GANC: variants seen among roughly 807,000 people sequenced by gnomAD.
GANC encodes the protein neutral alpha-glucosidase C.
Under a neutral mutation model 124.2 loss-of-function variants are expected in GANC, and 117 were observed. The ratio of observed to expected loss-of-function variants is 0.94; its 90% CI spans 0.81 to 1.10. GANC has a LOEUF of 1.10. GANC is among the 50% of genes least tolerant of loss of function. GANC has a pLI of 0.00. For missense variants in GANC, 1,140 were observed against 1,095.0 expected (o/e 1.04, Z -0.58); for synonymous variants, 377 against 376.8 (o/e 1.00, Z -0.01).
intron 15 of GANC, among the ~76,000 whole-genome samples, chr15:42,338,072 A>C (rs1258294215): frequency 6.6e-6 from 1 of 151,874 alleles, no homozygotes; most frequent in East Asian, 1.9e-4. Context: ...TAAAAAAAAA[A>C]CAAACCACAT....
At chr15:42,345,719 C>T in intron 19 of GANC, 39 bp from the exon 20 acceptor site, 1 of 1,275,468 alleles carries the variant, frequency 7.8e-7, no homozygotes, top group African/African-American at 1.5e-5. Context: ...AGCAGAGTTG[C>T]TTATGTACTC....
At chr15:42,312,448 T>C (rs2141047221) in intron 10 of GANC, among the ~76,000 whole-genome samples, 1 of 152,344 alleles carries the variant, frequency 6.6e-6, no homozygotes, top group Admixed American at 6.5e-5. Context: ...TGCCTGCTGC[T>C]ATTCACAGAA....
chr15:42,314,104 T>C (rs760592050), intron 10 of GANC: 1 of 735,060 alleles, frequency 1.4e-6, no homozygotes, highest in South Asian at 1.4e-5. Context: ...TAGCTCTCAG[T>C]CTGAGGAAGA....
At position 42,278,483 on chromosome 15, in the gene GANC, C is replaced by T. The variant is rs767616669; in HGVS notation, c.94C>T (p.Arg32Cys). ...CATCTGCATACTCCGTATCTATAGG[C>T]GTCAGAAACAGTGGCTTTCCAAGAA... ...RDCNKIAFYR[R>C]QKQWLSKKST... Residue 32 changes from arginine to cysteine, a missense_variant and splice_region_variant, in exon 3 of 24, where the codon CGT becomes TGT. Transcript: ENST00000318010. 4.4e-6 allele frequency: 7 copies of T among 1,598,636 alleles called. No homozygotes were observed. The highest frequency in any genetic ancestry group is 2.2e-5 in the East Asian group (1 of 44,658).
chr15:42,344,305 C>G (rs2052347820), intron 19 of GANC, among the ~76,000 whole-genome samples: 1 of 152,136 alleles, frequency 6.6e-6, no homozygotes, highest in Non-Finnish European at 1.5e-5. Context: ...GTTCATGCCT[C>G]CCTCTTAGCT....
At position 42,352,906 on chromosome 15, in the gene GANC, G is replaced by C; in HGVS notation, c.*767G>C. On this transcript the variant is annotated 3_prime_UTR_variant, in exon 24 of 24. Transcript: ENST00000318010. ...GAAGTAGAACTCATGACTGGGACTA[G>C]GATGAGGCAAGGGAGACCCTGGCCT... 2.1e-6 allele frequency: 1 copy of C among 466,026 alleles called. No individual in the cohort carries two copies. Among genetic ancestry groups the C allele is most frequent in the South Asian group, 9.2e-5 (1 of 10,882 alleles). The allele number at this position is 466,026 out of a possible 1,614,324, so 28.9% of individuals were successfully genotyped here. A position where few individuals can be genotyped will look rare whatever the true frequency, so the allele number is the denominator to read the frequency against.
At chr15:42,303,968 T>A (rs2051971065) in intron 6 of GANC, among the ~76,000 whole-genome samples, 2 of 152,138 alleles carry the variant, frequency 1.3e-5, no homozygotes, top group South Asian at 2.1e-4. Context: ...TTAACAAGGA[T>A]ACTCAGGACT....
intron 12 of GANC, 39 bp from the exon 13 acceptor site, chr15:42,327,323 CA>C: frequency 6.8e-7 from 1 of 1,461,324 alleles, no homozygotes. Flanking sequence ...CTGTGAGGAC[CA>C]CTGTTCTTGA....
At chr15:42,280,843 A>G (rs139646595) in intron 3 of GANC, 50 of 666,942 alleles carry the variant, frequency 7.5e-5, no homozygotes, top group Non-Finnish European at 1.3e-4. Flanking sequence ...GGACACCCAC[A>G]TATGCCATTT....
rs770624522 is a variant in GANC, at chr15:42,292,850, G to A, written c.445G>A (p.Val149Ile). Residue 149 changes from valine to isoleucine, a missense_variant, in exon 5 of 24, where the codon GTT becomes ATT. By Grantham distance (29) the Val-to-Ile change is conservative (BLOSUM62 3). Coordinates refer to ENST00000318010, the MANE Select transcript of GANC (RefSeq NM_198141.3). ...GGTAGACTTGGTGTCTGAAGAAGAG[G>A]TTGTGATTAGCATAAATTCCCTGGG... ...FKVDLVSEEE[V>I]VISINSLGQL... 2.5e-6 allele frequency: 4 copies of A among 1,613,986 alleles called. No homozygotes were observed. The highest frequency in any genetic ancestry group is 3.4e-6 in the Non-Finnish European group (4 of 1,179,996).
Position 42,349,428 on chromosome 15 carries a change from C to T in GANC, c.2464C>T (p.Gln822Ter), listed in dbSNP as rs1159224188. The T allele has an allele frequency of 1.9e-6, 3 of 1,613,758 alleles. No homozygotes were observed. The East Asian group carries it at 6.7e-5, about 36-fold the overall frequency. The change falls in exon 22 of 24, where the codon CAA becomes TAA. Residue 822 changes from glutamine (Q) to a stop codon, truncating the protein, a stop_gained. Transcript: ENST00000318010. LOFTEE classifies it high-confidence loss of function. The stretch of plus-strand genomic sequence containing the variant: ...ATATCTTGATGATGGCCATTCATTC[C>T]AATACCTCCACCAGAAGCAATTTTT... ...ELYLDDGHSF[Q>*]YLHQKQFLHR...
chr15:42,292,692 A>C, intron 4 of GANC, 43 bp from the exon 5 acceptor site: 1 of 1,580,236 alleles, frequency 6.3e-7, no homozygotes, highest in East Asian at 2.3e-5. Flanking sequence ...GGGCCATGTA[A>C]ACCTATAGCA....
chr15:42,327,301 C>T (rs1007990276), intron 12 of GANC, 62 bp from the exon 13 acceptor site: 23 of 1,237,424 alleles, frequency 1.9e-5, no homozygotes, highest in Non-Finnish European at 2.5e-5. Flanking sequence ...ACCTTCTTTA[C>T]AATGCATCCT....
intron 3 of GANC, chr15:42,281,115 G>A (rs1185248968): frequency 1.4e-6 from 1 of 702,512 alleles, no homozygotes; most frequent in Non-Finnish European, 2.6e-6. Context: ...GGACCTCTTG[G>A]AACAAACTCC....
intron 4 of GANC, among the ~76,000 whole-genome samples, chr15:42,289,731 A>T (rs116048930): frequency 6.6e-6 from 1 of 152,210 alleles, no homozygotes; most frequent in African/African-American, 2.4e-5. Context: ...TACTACTGTT[A>T]CAGGCTGAAT....
intron 15 of GANC, among the ~76,000 whole-genome samples, chr15:42,332,321 T>C (rs1220564936): frequency 6.6e-6 from 1 of 152,200 alleles, no homozygotes; most frequent in Non-Finnish European, 1.5e-5. Flanking sequence ...AGTATCATTT[T>C]TAATCACAAA....
intron 19 of GANC, among the ~76,000 whole-genome samples, 181 bp from the exon 20 acceptor site, chr15:42,345,577 T>C (rs2289295): frequency 0.25 from 38,761 of 152,172 alleles, 6,757 homozygotes; most frequent in African/African-American, 0.49. Flanking sequence ...AGCCATAGTC[T>C]TTTGGGATCT....
chr15:42,310,368 T>A lies in GANC; in HGVS notation c.808T>A (p.Tyr270Asn). Reference protein sequence around the residue: ...DKMGIYGSVPYLLAHKLGRTI... With the variant: ...DKMGIYGSVPNLLAHKLGRTI... ...AATGGGCATTTATGGTTCAGTACCTTATCTCCTGGCCCACAAACTGGGCAG... is the reference window on the plus strand; with the variant it reads ...AATGGGCATTTATGGTTCAGTACCTAATCTCCTGGCCCACAAACTGGGCAG... Residue 270 changes from tyrosine (Y) to asparagine (N), a missense_variant, in exon 9 of 24, where the codon TAT becomes AAT. Physicochemically the swap from Tyr to Asn is moderately radical, Grantham distance 143 (BLOSUM62 -2). Coordinates refer to ENST00000318010, the MANE Select transcript of GANC (RefSeq NM_198141.3). 1 of 1,614,008 alleles carries A rather than the reference T, an allele frequency of 6.2e-7. No individual in the cohort carries two copies.
chr15:42,320,170 T>C (rs1424937101), intron 10 of GANC, among the ~76,000 whole-genome samples: 1 of 150,912 alleles, frequency 6.6e-6, no homozygotes, highest in African/African-American at 2.4e-5. Context: ...GCGACAGAGC[T>C]AAACTCCATC....
Sources: allele counts gnomAD v4.1 joint callset (sites outside exome capture counted in the v4.1 genomes callset), GRCh38; gene constraint gnomAD v4.1.1; transcripts MANE v1.5; gene names NCBI Gene and HGNC (gene_info 2026-07-23, HGNC 2026-07-21).